KLHL42: variants seen among roughly 807,000 people sequenced by gnomAD.
KLHL42 encodes kelch like family member 42.
KLHL42 carries 27 observed loss-of-function variants against 32.7 expected under a neutral mutation model. The observed-to-expected ratio is 0.83, with a 90% confidence interval of 0.61 to 1.14. KLHL42 has a LOEUF of 1.14. KLHL42 is among the 50% of genes most tolerant of loss of function. The probability of loss-of-function intolerance (pLI) is 0.00; values close to 1 mark genes in which losing one functional copy is unlikely to be tolerated. For missense variants in KLHL42, 491 were observed against 560.8 expected (o/e 0.88, Z 1.26); for synonymous variants, 267 against 248.2 (o/e 1.08, Z -0.71).
At chr12:27,790,381 C>T (rs1036856488) in intron 1 of KLHL42, among the ~76,000 whole-genome samples, 10 of 152,210 alleles carry the variant, frequency 6.6e-5, no homozygotes, top group Non-Finnish European at 4.4e-5. Context: ...AGAGCTGGGA[C>T]TAGAAGCGAG....
intron 1 of KLHL42, among the ~76,000 whole-genome samples, chr12:27,783,538 T>C (rs955655943): frequency 6.6e-6 from 1 of 152,064 alleles, no homozygotes; most frequent in Non-Finnish European, 1.5e-5. Context: ...TATCTGAGAG[T>C]TTTTTTTCTG....
intron 1 of KLHL42, chr12:27,788,295 C>T (rs1485868342): frequency 6.6e-6 from 1 of 152,154 alleles, no homozygotes; most frequent in Non-Finnish European, 1.5e-5. Flanking sequence ...ATTGTAGTCA[C>T]AACTTGAGGT....
chr12:27,799,390 A>G lies in KLHL42; in HGVS notation c.*1224A>G, dbSNP rs80336232. 2 of 152,200 alleles carry G rather than the reference A, an allele frequency of 1.3e-5. No individual in the cohort carries two copies. The highest frequency in any genetic ancestry group is 4.8e-5 in the African/African-American group (2 of 41,436). The allele number at this position is 152,200 out of a possible 1,614,324, so 9.4% of individuals were successfully genotyped here. On this transcript the variant is annotated 3_prime_UTR_variant, in exon 3 of 3. Transcript: ENST00000381271. ...ATTCCTCAAAAATACATACACTCATACTTATGGAAATTTTATTTTGATTGA... is the reference window on the plus strand; with the variant it reads ...ATTCCTCAAAAATACATACACTCATGCTTATGGAAATTTTATTTTGATTGA...
intron 1 of KLHL42, among the ~76,000 whole-genome samples, chr12:27,791,455 A>C (rs2062196686): frequency 6.6e-6 from 1 of 152,206 alleles, no homozygotes; most frequent in Non-Finnish European, 1.5e-5. Context: ...GAACAAGATT[A>C]ATAACTTGTT....
chr12:27,796,989 A>G (rs12812068), intron 2 of KLHL42, among the ~76,000 whole-genome samples: 15,865 of 152,122 alleles, frequency 0.1, 874 homozygotes, highest in Middle Eastern at 0.24. Context: ...CTAGACGTTG[A>G]TCTTATCTAC....
chr12:27,794,261 GGGA>G (rs1476526404), intron 2 of KLHL42, among the ~76,000 whole-genome samples: 1 of 152,124 alleles, frequency 6.6e-6, no homozygotes, highest in African/African-American at 2.4e-5. Flanking sequence ...AGGGCTCTAG[GGGA>G]GGAGTCCTCC....
In KLHL42 at chr12:27,781,277, T is replaced by C. The variant is rs2140810521; in HGVS notation, c.872+75T>C. The C allele has an allele frequency of 7.3e-6, 11 of 1,505,058 alleles. No individual in the cohort carries two copies. The South Asian group carries it at 1.2e-4, about 17-fold the overall frequency. 93.2% of individuals were successfully genotyped at this position (1,505,058 alleles called of 1,614,324 possible). On this transcript the variant is annotated intron_variant, in intron 1 of 2. Transcript: ENST00000381271. ...ATTAGTTCATTACCCCAGTGTTTAC[T>C]GAGCCAGTAAATAGGGGAGGGTGTG...
Position 27,780,702 on chromosome 12 carries a change from G to A in KLHL42, c.372G>A (p.Gln124=). The part of the protein sequence containing the change: ...VTSLLQLLLS[Q]VRLNNCLEMY... ...CCCTGCTGCAGCTGCTGCTGTCCCA[G>A]GTGCGGCTCAATAACTGCCTGGAGA... Residue 124 remains glutamine (Q), a synonymous_variant, in exon 1 of 3, where the codon CAG becomes CAA. Transcript: ENST00000381271. This position sits in a 1 kb window ranked among gnomAD's most constrained non-coding sequence, Gnocchi z 8.8. The A allele has an allele frequency of 1.9e-6, 3 of 1,610,506 alleles. No individual in the cohort carries two copies. The highest frequency in any genetic ancestry group is 2.5e-6 in the Non-Finnish European group (3 of 1,177,944).
intron 2 of KLHL42, among the ~76,000 whole-genome samples, chr12:27,795,595 T>G (rs1336883094): frequency 6.6e-6 from 1 of 151,468 alleles, no homozygotes; most frequent in Non-Finnish European, 1.5e-5. Flanking sequence ...AATAGTTCCT[T>G]GTATTTCAGA....
intron 1 of KLHL42, among the ~76,000 whole-genome samples, chr12:27,785,533 G>A (rs903816867): frequency 6.6e-6 from 1 of 152,046 alleles, no homozygotes; most frequent in South Asian, 2.1e-4. Flanking sequence ...GATTATTGAT[G>A]CTGTATTGGA....
intron 1 of KLHL42, among the ~76,000 whole-genome samples, chr12:27,782,294 C>T (rs989398603): frequency 2.0e-5 from 3 of 152,042 alleles, no homozygotes; most frequent in African/African-American, 4.8e-5. Flanking sequence ...CTTTATTTCT[C>T]CTATAATATG....
chr12:27,780,361 C>T lies in KLHL42; in HGVS notation c.31C>T (p.Leu11=), dbSNP rs985158117. Residue 11 remains leucine (L), a synonymous_variant, in exon 1 of 3, where the codon CTG becomes TTG. Coordinates refer to ENST00000381271, the MANE Select transcript of KLHL42 (RefSeq NM_020782.2). This position sits in a 1 kb window ranked among gnomAD's most constrained non-coding sequence, Gnocchi z 8.8. MSAEEMVQIR[L]EDRCYPVSKR... Reference sequence around the variant, plus strand: ...GGCCGAGGAGATGGTGCAGATCCGCCTGGAGGACCGCTGCTACCCGGTGAG... The same window carrying T: ...GGCCGAGGAGATGGTGCAGATCCGCTTGGAGGACCGCTGCTACCCGGTGAG... 2 of 1,582,766 alleles carry T rather than the reference C, an allele frequency of 1.3e-6. No individual in the cohort carries two copies. The highest frequency in any genetic ancestry group is 1.4e-5 in the African/African-American group (1 of 72,564).
rs1266783757 is a variant in KLHL42 at position 27,802,380 on chromosome 12, TTAA to T, written c.*4218_*4220del. On this transcript the variant is annotated 3_prime_UTR_variant, in exon 3 of 3. Coordinates refer to ENST00000381271, the MANE Select transcript of KLHL42 (RefSeq NM_020782.2). ...CTTTAAAACATTCCCATAAAAAGTA[TTAA>T]TAAAGAAATTTCCATTCCACACTAG... is the stretch of plus-strand genomic sequence containing the variant. The T allele has an allele frequency of 2.0e-5, 3 of 152,356 alleles. No homozygotes were observed. The highest frequency in any genetic ancestry group is 2.1e-4 in the South Asian group (1 of 4,824). 9.4% of individuals were successfully genotyped at this position (152,356 alleles called of 1,614,324 possible).
At chr12:27,783,877 C>A (rs779708799) in intron 1 of KLHL42, among the ~76,000 whole-genome samples, 10 of 152,178 alleles carry the variant, frequency 6.6e-5, no homozygotes, top group Non-Finnish European at 1.3e-4. Flanking sequence ...AGCCACCGCG[C>A]CCGGCCTTAC....
Position 27,791,754 on chromosome 12 carries a change from G to C in KLHL42, c.919G>C (p.Gly307Arg). 1 of 1,614,154 alleles carries C rather than the reference G, an allele frequency of 6.2e-7. No individual in the cohort carries two copies. Among genetic ancestry groups the C allele is most frequent in the Non-Finnish European group, 8.5e-7 (1 of 1,180,008 alleles). ...TGTTAATTCAAAACTCTATGCCATCGGAGGGCAGGCCGTTTCTAACGTTGA... is the reference window on the plus strand; with the variant it reads ...TGTTAATTCAAAACTCTATGCCATCCGAGGGCAGGCCGTTTCTAACGTTGA... ...VAVNSKLYAI[G>R]GQAVSNVECY... Residue 307 changes from glycine to arginine, a missense_variant, in exon 2 of 3, where the codon GGA (glycine) becomes CGA (arginine). Physicochemically the swap from Gly to Arg is moderately radical, Grantham distance 125. Coordinates refer to ENST00000381271, the MANE Select transcript of KLHL42 (RefSeq NM_020782.2).
At chr12:27,789,631 A>C (rs1218808576) in intron 1 of KLHL42, among the ~76,000 whole-genome samples, 1 of 152,216 alleles carries the variant, frequency 6.6e-6, no homozygotes, top group African/African-American at 2.4e-5. Flanking sequence ...AGCAAAAACA[A>C]ATTGCGGCTG....
Position 27,780,864 on chromosome 12 carries a change from T to C in KLHL42, c.534T>C (p.Asp178=). 6.2e-7 allele frequency: 1 copy of C among 1,613,800 alleles called. No homozygotes were observed. Among genetic ancestry groups the C allele is most frequent in the Non-Finnish European group, 8.5e-7 (1 of 1,179,892 alleles). The change falls in exon 1 of 3, where the codon GAT becomes GAC. Residue 178 remains aspartate (D), a synonymous_variant. Coordinates refer to ENST00000381271, the MANE Select transcript of KLHL42 (RefSeq NM_020782.2). The surrounding 1 kb of genome is among the most constrained non-coding windows in gnomAD (Gnocchi z 8.8). The stretch of plus-strand genomic sequence containing the variant: ...GGTCTCCTCCCCAAGCTCCAGGGGA[T>C]GTCAGCCTGAAGCAGAGGCTGAGGG... The part of the protein sequence containing the change: ...LLGSPPQAPG[D]VSLKQRLREA...
chr12:27,786,719 GTTTTTTTTTTT>G (rs11341444), intron 1 of KLHL42, among the ~76,000 whole-genome samples: 16 of 101,146 alleles, frequency 1.6e-4, no homozygotes, highest in African/African-American at 6.2e-4. Context: ...GATTGAAAGA[GTTTTTTTTTTT>G]TTTTTTTTTT....
In KLHL42 at chr12:27,780,759, C is replaced by A. The variant is rs751602906; in HGVS notation, c.429C>A (p.Pro143=). 1.2e-6 allele frequency: 2 copies of A among 1,613,336 alleles called. No individual in the cohort carries two copies. Among genetic ancestry groups the A allele is most frequent in the South Asian group, 2.2e-5 (2 of 91,088 alleles). ...GCCTGGCGCAGGTGTACGGGCTGCC[C>A]GACCTGCAGGAGGCCTGCCTGCGCT... is the stretch of plus-strand genomic sequence containing the variant. The part of the protein sequence containing the change: ...MYRLAQVYGL[P]DLQEACLRFM... Residue 143 remains proline, a synonymous_variant, in exon 1 of 3, where the codon CCC becomes CCA. Coordinates refer to ENST00000381271, the MANE Select transcript of KLHL42 (RefSeq NM_020782.2). This position sits in a 1 kb window ranked among gnomAD's most constrained non-coding sequence, Gnocchi z 8.8.
Sources: allele counts gnomAD v4.1 joint callset (sites outside exome capture counted in the v4.1 genomes callset), GRCh38; gene constraint gnomAD v4.1.1; non-coding constraint Gnocchi (gnomAD v3.1); transcripts MANE v1.5; gene names NCBI Gene and HGNC (gene_info 2026-07-23, HGNC 2026-07-21).